Variants in ATP9A observed in about 807,000 individuals in gnomAD.
ATP9A encodes probable phospholipid-transporting ATPase IIA.
Under a neutral mutation model 144.1 loss-of-function variants are expected in ATP9A, and 52 were observed. The ratio of observed to expected loss-of-function variants is 0.36; its 90% CI spans 0.29 to 0.45. The LOEUF is 0.45. Ranked by LOEUF, ATP9A falls within the 20% of genes least tolerant of loss-of-function variation. The pLI is 1.00. For missense variants in ATP9A, 947 were observed against 1,392.7 expected, an observed-to-expected ratio of 0.68 and a Z score of 5.09; for synonymous variants, 582 against 557.4, an observed-to-expected ratio of 1.04 and a Z score of -0.62.
chr20:51,703,817 C>T (rs1039157001), intron 4 of ATP9A, among the ~76,000 whole-genome samples: 2 of 152,168 alleles, frequency 1.3e-5, no homozygotes, highest in Non-Finnish European at 2.9e-5. Flanking sequence ...ACACCTCCAT[C>T]TATACTTGTA....
chr20:51,609,756 T>C (rs2077178122), intron 24 of ATP9A, among the ~76,000 whole-genome samples: 1 of 152,198 alleles, frequency 6.6e-6, no homozygotes, highest in Non-Finnish European at 1.5e-5. Context: ...CACCCCTTTT[T>C]ATTAAGACCC....
In ATP9A at chr20:51,599,624, G is replaced by A. The variant is rs1568778514; in HGVS notation, c.*1587C>T. ...AAAGTCATTCTAGAACATTTTAAAA[G>A]GACAACACAAAATACAAAAGCTTAT... On this transcript the variant is annotated 3_prime_UTR_variant, in exon 28 of 28. Coordinates refer to ENST00000338821, the MANE Select transcript of ATP9A (RefSeq NM_006045.3). The A allele has an allele frequency of 6.6e-6, 1 of 152,112 alleles. No individual in the cohort carries two copies. The allele number at this position is 152,112 out of a possible 1,614,324, so 9.4% of individuals were successfully genotyped here.
chr20:51,741,877 C>A (rs1254052568), intron 1 of ATP9A, among the ~76,000 whole-genome samples: 2 of 152,200 alleles, frequency 1.3e-5, no homozygotes, highest in African/African-American at 4.8e-5. Context: ...GCCAAGGATG[C>A]TGCGAGACAC....
chr20:51,764,941 G>A (rs755124386), intron 1 of ATP9A, among the ~76,000 whole-genome samples: 4 of 151,988 alleles, frequency 2.6e-5, no homozygotes, highest in East Asian at 1.9e-4. Context: ...GGCTGGTCTC[G>A]AACTCCTGAC....
At chr20:51,633,533 G>A (rs2077278369) in intron 15 of ATP9A, among the ~76,000 whole-genome samples, 1 of 152,140 alleles carries the variant, frequency 6.6e-6, no homozygotes, top group Non-Finnish European at 1.5e-5. Context: ...ACAGCTTGAG[G>A]CCAGAAGTTT....
chr20:51,658,870 G>A (rs2077398450), intron 13 of ATP9A, among the ~76,000 whole-genome samples: 1 of 115,886 alleles, frequency 8.6e-6, no homozygotes, highest in African/African-American at 3.4e-5. Flanking sequence ...AGAATATAAT[G>A]AAAATTAAGA....
intron 1 of ATP9A, among the ~76,000 whole-genome samples, chr20:51,763,592 A>T (rs548818860): frequency 6.6e-6 from 1 of 152,174 alleles, no homozygotes; most frequent in African/African-American, 2.4e-5. Flanking sequence ...GGATTACAGG[A>T]ATGAGCCACC....
intron 16 of ATP9A, 26 bp from the exon 17 acceptor site, chr20:51,627,709 G>C: frequency 6.2e-7 from 1 of 1,604,472 alleles, no homozygotes; most frequent in Non-Finnish European, 8.5e-7. Context: ...CGGTCGAGTG[G>C]GAGCGGTGCT....
intron 24 of ATP9A, among the ~76,000 whole-genome samples, chr20:51,609,899 T>C (rs1368595667): frequency 6.6e-6 from 1 of 152,168 alleles, no homozygotes; most frequent in African/African-American, 2.4e-5. Context: ...CTCCACTTCC[T>C]CCATCTGGTT....
chr20:51,681,570 C>T (rs1285357781), intron 9 of ATP9A, among the ~76,000 whole-genome samples: 1 of 151,918 alleles, frequency 6.6e-6, no homozygotes, highest in Admixed American at 6.6e-5. Context: ...TACAGGTGCA[C>T]GCTACCACAC....
chr20:51,617,030 C>T (rs2077206012), intron 22 of ATP9A, among the ~76,000 whole-genome samples: 1 of 151,420 alleles, frequency 6.6e-6, no homozygotes, highest in Non-Finnish European at 1.5e-5. Flanking sequence ...CAACCTCTGC[C>T]TCCCGGGTTC....
At chr20:51,697,944 T>C (rs931029195) in intron 4 of ATP9A, among the ~76,000 whole-genome samples, 4 of 152,258 alleles carry the variant, frequency 2.6e-5, no homozygotes, top group African/African-American at 9.6e-5. Flanking sequence ...TATAGGATTA[T>C]GATCAGACTA....
In ATP9A at chr20:51,656,931, G is replaced by T. The variant is rs771520023; in HGVS notation, c.1506+7C>A. 2.7e-5 allele frequency: 44 copies of T among 1,612,566 alleles called. No individual in the cohort carries two copies. The highest frequency in any genetic ancestry group is 3.6e-5 in the Non-Finnish European group (42 of 1,179,540). On this transcript the variant is annotated splice_region_variant and intron_variant, in intron 14 of 27. Coordinates refer to ENST00000338821, the MANE Select transcript of ATP9A (RefSeq NM_006045.3). ...CCCCATGCCTTGCTGCACCTGCCCA[G>T]GTTTACCTCATCGGGGCTGGATGCC...
intron 1 of ATP9A, among the ~76,000 whole-genome samples, chr20:51,736,660 A>G (rs2077764241): frequency 6.6e-6 from 1 of 152,116 alleles, no homozygotes; most frequent in African/African-American, 2.4e-5. Flanking sequence ...TGGCCCTCAC[A>G]TTGTAGTGAT....
intron 3 of ATP9A, among the ~76,000 whole-genome samples, chr20:51,714,545 T>G (rs952335921): frequency 6.6e-6 from 1 of 152,146 alleles, no homozygotes; most frequent in Non-Finnish European, 1.5e-5. Flanking sequence ...TTTTTGTATT[T>G]TTACTAGAGA....
intron 14 of ATP9A, among the ~76,000 whole-genome samples, chr20:51,639,975 AC>A (rs2077311816): frequency 6.6e-6 from 1 of 152,072 alleles, no homozygotes; most frequent in South Asian, 2.1e-4. Flanking sequence ...AATCCCAGCT[AC>A]CCAGGAGGCT....
At chr20:51,620,242 A>G (rs1368427117) in intron 19 of ATP9A, among the ~76,000 whole-genome samples, 1 of 152,178 alleles carries the variant, frequency 6.6e-6, no homozygotes, top group African/African-American at 2.4e-5. Flanking sequence ...GTCTGTCTAC[A>G]CTCCAATAAA....
At position 51,743,955 on chromosome 20, in the gene ATP9A, C is replaced by CA. The variant is rs1239482471; in HGVS notation, c.69-13978_69-13977insT. ...CCTGGAGGTGGAGGTTGCAGTAAGC[C>CA]GAGATTCTGGCACTGCACTCCAGCC... On this transcript the variant is annotated intron_variant, in intron 1 of 27. Transcript: ENST00000338821. Among the ~76,000 whole-genome samples the CA allele has an allele frequency of 2.0e-5, 3 of 150,686 alleles. No homozygotes were observed. The East Asian group carries it at 6.1e-4, about 31-fold the overall frequency.
At position 51,676,028 on chromosome 20, in the gene ATP9A, T is replaced by C; in HGVS notation, c.876+104A>G. ...TATGCATAAAAAGATAAAATGTCTG[T>C]ATAAATATCACTCTTAGGTGTTCCT... is the stretch of plus-strand genomic sequence containing the variant. On this transcript the variant is annotated intron_variant, in intron 10 of 27. Coordinates refer to ENST00000338821, the MANE Select transcript of ATP9A (RefSeq NM_006045.3). 10 of 814,172 alleles carry C rather than the reference T, an allele frequency of 1.2e-5. No individual in the cohort carries two copies. The South Asian group carries it at 1.5e-4, about 12-fold the overall frequency. 50.4% of individuals were successfully genotyped at this position (814,172 alleles called of 1,614,324 possible).
Sources: allele counts gnomAD v4.1 joint callset (sites outside exome capture counted in the v4.1 genomes callset), GRCh38; gene constraint gnomAD v4.1.1; transcripts MANE v1.5; gene names NCBI Gene and HGNC (gene_info 2026-07-23, HGNC 2026-07-21).